NINJ2: variants seen among roughly 807,000 people sequenced by gnomAD.
NINJ2 encodes ninjurin 2, also known as ninjurin-2.
A neutral mutation model predicts 11.7 loss-of-function variants in NINJ2; 12 were observed. That is an observed-to-expected ratio of 1.02 (90% CI 0.66 to 1.66). NINJ2 has a LOEUF of 1.66. NINJ2 is among the 40% of genes most tolerant of loss of function. NINJ2 has a pLI of 0.00. For synonymous variants in NINJ2, 93 were observed against 76.8 expected, an observed-to-expected ratio of 1.21 and a Z score of -1.10; for missense variants, 187 against 181.8, an observed-to-expected ratio of 1.03 and a Z score of -0.16.
intron 1 of NINJ2, among the ~76,000 whole-genome samples, chr12:609,283 GT>G (rs1485501896): frequency 7.2e-5 from 6 of 83,584 alleles, no homozygotes; most frequent in Non-Finnish European, 5.1e-5. Context: ...CACGCGCTAG[GT>G]GCTGAACGCA....
At chr12:625,287 G>T (rs868098913) in intron 1 of NINJ2, among the ~76,000 whole-genome samples, 5 of 152,102 alleles carry the variant, frequency 3.3e-5, no homozygotes, top group Non-Finnish European at 7.4e-5. Flanking sequence ...GAAGCAGCAG[G>T]TGGACCTACA....
rs562522187 is a variant in NINJ2 at position 632,848 on chromosome 12, T to G, written c.33+30480A>C. ...ATGAGGAAACTGAAGTTATAGCCCT[T>G]TCTGGAGTGTGGAAGCTTTGGAAAC... On this transcript the variant is annotated intron_variant, in intron 1 of 3. Transcript: ENST00000305108. 7.9e-5 allele frequency among the ~76,000 whole-genome samples: 12 copies of G among 152,318 alleles called. No individual in the cohort carries two copies. In the South Asian group the frequency reaches 2.5e-3, roughly 32 times the overall value.
intron 1 of NINJ2, among the ~76,000 whole-genome samples, chr12:583,888 C>G (rs1043425316): frequency 2.0e-5 from 3 of 152,140 alleles, no homozygotes; most frequent in Admixed American, 6.5e-5. Flanking sequence ...GATTACAGAA[C>G]AGTGATAGCA....
chr12:643,733 G>C (rs1937630564), intron 1 of NINJ2: 2 of 955,756 alleles, frequency 2.1e-6, no homozygotes, highest in Non-Finnish European at 2.5e-6. Context: ...ATCTTTTCTG[G>C]AACTCGCTCC....
At chr12:588,570 T>C (rs1465432826) in intron 1 of NINJ2, among the ~76,000 whole-genome samples, 2 of 152,198 alleles carry the variant, frequency 1.3e-5, no homozygotes, top group East Asian at 3.9e-4. Flanking sequence ...AACTAAACTA[T>C]GGTCATTCAG....
intron 1 of NINJ2, chr12:643,372 C>T (rs1401110067): frequency 3.3e-6 from 3 of 914,074 alleles, no homozygotes; most frequent in Admixed American, 1.2e-4. Context: ...CCTGAGTCCG[C>T]GGAGGAAAGG....
chr12:622,777 TTTTC>T lies in NINJ2; in HGVS notation c.33+40547_33+40550del, dbSNP rs1172845976. Among the ~76,000 whole-genome samples the T allele has an allele frequency of 2.6e-5, 4 of 152,022 alleles. No individual in the cohort carries two copies. In the East Asian group the frequency reaches 5.8e-4, roughly 22 times the overall value. ...CTAAATGCAGTCACACACGGATAGC[TTTTC>T]TTTTTTTTTTAATTTTAATTTTTTT... is the stretch of plus-strand genomic sequence containing the variant. On this transcript the variant is annotated intron_variant, in intron 1 of 3. Transcript: ENST00000305108.
chr12:641,182 C>T (rs1283960708), intron 1 of NINJ2, among the ~76,000 whole-genome samples: 1 of 152,186 alleles, frequency 6.6e-6, no homozygotes, highest in African/African-American at 2.4e-5. Flanking sequence ...CTTCCGTGTG[C>T]AGACTGCTCA....
chr12:605,024 C>T (rs753118804), intron 1 of NINJ2, among the ~76,000 whole-genome samples: 4 of 152,206 alleles, frequency 2.6e-5, no homozygotes, highest in Non-Finnish European at 5.9e-5. Context: ...GTTGCCTCAG[C>T]ACTCAGTGTG....
intron 1 of NINJ2, among the ~76,000 whole-genome samples, chr12:651,167 C>A (rs1331957216): frequency 6.6e-6 from 1 of 152,184 alleles, no homozygotes; most frequent in Non-Finnish European, 1.5e-5. Context: ...TAGTAAATGT[C>A]AGAGAAAAAT....
intron 1 of NINJ2, among the ~76,000 whole-genome samples, chr12:609,087 G>C (rs1017717785): frequency 7.3e-6 from 1 of 137,840 alleles, no homozygotes; most frequent in African/African-American, 2.8e-5. Flanking sequence ...GCCACGCTAG[G>C]GGCTGAACGC....
chr12:611,223 TTC>T (rs1948025036), intron 1 of NINJ2, among the ~76,000 whole-genome samples: 1 of 132,064 alleles, frequency 7.6e-6, no homozygotes, highest in African/African-American at 2.8e-5. Flanking sequence ...CTTTCTTTCT[TTC>T]TTTTTCTTTC....
Position 628,532 on chromosome 12 carries a change from T to C in NINJ2, c.33+34796A>G, listed in dbSNP as rs188423413. ...CATAAGCATGGTAATGCATATATAA[T>C]ACGTGTCTATGGCAGAGGCATTCGA... is the stretch of plus-strand genomic sequence containing the variant. On this transcript the variant is annotated intron_variant, in intron 1 of 3. Transcript: ENST00000305108. This position sits in a 1 kb window ranked among gnomAD's most constrained non-coding sequence, Gnocchi z 4.4. Among the ~76,000 whole-genome samples, 1 of 152,186 alleles carries C rather than the reference T, an allele frequency of 6.6e-6. No homozygotes were observed. Among genetic ancestry groups the C allele is most frequent in the African/African-American group, 2.4e-5 (1 of 41,450 alleles).
chr12:649,531 G>GTATATATATATATATATATATA (rs58255301), intron 1 of NINJ2, among the ~76,000 whole-genome samples: 2,037 of 127,342 alleles, frequency 0.016, 49 homozygotes, highest in Admixed American at 0.022. Flanking sequence ...GTGTATATGT[G>GTATATATATATATATATATATA]TATATATATA....
At chr12:576,371 G>T (rs1210640663) in intron 1 of NINJ2, among the ~76,000 whole-genome samples, 1 of 152,258 alleles carries the variant, frequency 6.6e-6, no homozygotes, top group Non-Finnish European at 1.5e-5. Context: ...CGAGGACACG[G>T]ACGGGTTTCT....
At chr12:641,997 G>C (rs542907476) in intron 1 of NINJ2, among the ~76,000 whole-genome samples, 11 of 152,218 alleles carry the variant, frequency 7.2e-5, no homozygotes, top group Non-Finnish European at 1.3e-4. Flanking sequence ...TTTCGACATG[G>C]TCCCGGCATG....
rs1947292289 is a variant in NINJ2 at position 565,950 on chromosome 12, C to G, written c.262G>C (p.Ala88Pro). The G allele has an allele frequency of 3.1e-6, 5 of 1,614,014 alleles. No individual in the cohort carries two copies. Among genetic ancestry groups the G allele is most frequent in the Non-Finnish European group, 4.2e-6 (5 of 1,179,872 alleles). Residue 88 changes from alanine (A) to proline (P), a missense_variant and splice_region_variant, in exon 2 of 4, where the codon GCA (alanine) becomes CCA (proline). Transcript: ENST00000305108. ...VVIGVLLVVIARLNLNEVEKQ... is the reference protein window; with the variant it reads ...VVIGVLLVVIPRLNLNEVEKQ... The stretch of plus-strand genomic sequence containing the variant: ...TCTGACTGCAGGCTGGGCTCCTCAC[C>G]AATGACCACGAGCAGGACACCGATG...
At chr12:662,402 CAG>C (rs1937969826) in intron 1 of NINJ2, among the ~76,000 whole-genome samples, 1 of 141,990 alleles carries the variant, frequency 7.0e-6, no homozygotes, top group African/African-American at 2.8e-5. Context: ...AAAACACACA[CAG>C]AGAACGAGAG....
chr12:594,862 G>C (rs1477379590), intron 1 of NINJ2, among the ~76,000 whole-genome samples: 1 of 152,054 alleles, frequency 6.6e-6, no homozygotes, highest in Non-Finnish European at 1.5e-5. Flanking sequence ...AAAAGATGTA[G>C]AATAGCCAAC....
Sources: allele counts gnomAD v4.1 joint callset (sites outside exome capture counted in the v4.1 genomes callset), GRCh38; gene constraint gnomAD v4.1.1; non-coding constraint Gnocchi (gnomAD v3.1); transcripts MANE v1.5; gene names NCBI Gene and HGNC (gene_info 2026-07-23, HGNC 2026-07-21).